Variants in SYT17 observed in about 807,000 individuals in gnomAD.
The protein encoded by SYT17 is synaptotagmin-17.
Under a neutral mutation model 46.7 loss-of-function variants are expected in SYT17, and 22 were observed. The ratio of observed to expected loss-of-function variants is 0.47; its 90% confidence interval spans 0.34 to 0.67. The LOEUF is 0.67. Ranked by LOEUF, SYT17 falls within the 30% of genes least tolerant of loss-of-function variation. The pLI, the probability that SYT17 is intolerant of heterozygous loss-of-function variation, is 0.01. For missense variants in SYT17, 519 were observed against 612.8 expected, an observed-to-expected ratio of 0.85 and a Z score of 1.62; for synonymous variants, 251 against 248.4, an observed-to-expected ratio of 1.01 and a Z score of -0.10.
intron 5 of SYT17, among the ~76,000 whole-genome samples, chr16:19,221,371 C>T (rs376582763): frequency 2.6e-5 from 4 of 152,146 alleles, no homozygotes; most frequent in East Asian, 3.9e-4. Context: ...GGAATGCCAG[C>T]GTTACCAGAT....
chr16:19,264,693 G>A (rs1223090805), intron 7 of SYT17, among the ~76,000 whole-genome samples: 3 of 151,770 alleles, frequency 2.0e-5, no homozygotes, highest in African/African-American at 7.3e-5. Context: ...CTGGACTCAG[G>A]TGATCCTCCC....
chr16:19,178,875 G>A (rs7196471), intron 3 of SYT17, among the ~76,000 whole-genome samples: 1 of 151,850 alleles, frequency 6.6e-6, no homozygotes, highest in Non-Finnish European at 1.5e-5. Context: ...GTATTGGGGG[G>A]GATCTTAAAG....
In SYT17 at chr16:19,221,583, C is replaced by T. The variant is rs189009161; in HGVS notation, c.952-1462C>T. Among the ~76,000 whole-genome samples the T allele has an allele frequency of 1.4e-4, 21 of 152,260 alleles. No individual in the cohort carries two copies. In the East Asian group the frequency reaches 2.9e-3, roughly 21 times the overall value. ...TCTTGTTTGTTTGGGGACTAACTCA[C>T]TCAGTACAGGAATCTTTTGGTTTGA... On this transcript the variant is annotated intron_variant, in intron 5 of 7. Transcript: ENST00000355377.
At chr16:19,231,190 A>G (rs1278600083) in intron 7 of SYT17, among the ~76,000 whole-genome samples, 2 of 152,196 alleles carry the variant, frequency 1.3e-5, no homozygotes, top group Admixed American at 6.5e-5. Context: ...TGAAAGAACC[A>G]AATGTCATGT....
At chr16:19,234,578 T>G (rs547614832) in intron 7 of SYT17, among the ~76,000 whole-genome samples, 2 of 152,174 alleles carry the variant, frequency 1.3e-5, no homozygotes, top group Non-Finnish European at 2.9e-5. Flanking sequence ...ATGATGATAA[T>G]TGATGGACCC....
At chr16:19,229,553 C>A (rs530089647) in intron 7 of SYT17, among the ~76,000 whole-genome samples, 1 of 152,324 alleles carries the variant, frequency 6.6e-6, no homozygotes, top group East Asian at 1.9e-4. Context: ...CAGGCCCCAC[C>A]TCCAACATTA....
At chr16:19,245,330 G>C (rs1227663346) in intron 7 of SYT17, among the ~76,000 whole-genome samples, 2 of 152,084 alleles carry the variant, frequency 1.3e-5, no homozygotes, top group African/African-American at 4.8e-5. Context: ...ATCCTACAGT[G>C]AACACATAAC....
intron 6 of SYT17, 100 bp from the exon 7 acceptor site, chr16:19,224,583 G>A: frequency 1.5e-6 from 2 of 1,314,580 alleles, no homozygotes; most frequent in Non-Finnish European, 1.1e-6. Context: ...AAGAATGGAG[G>A]AATAAAAAGA....
At chr16:19,175,086 G>T (rs554776368) in intron 3 of SYT17, among the ~76,000 whole-genome samples, 5 of 152,084 alleles carry the variant, frequency 3.3e-5, no homozygotes, top group African/African-American at 1.2e-4. Flanking sequence ...CTGTGATTGC[G>T]CCACTGCACT....
rs1187006896 is a variant in SYT17 at position 19,184,091 on chromosome 16, G to A, written c.895G>A (p.Glu299Lys). 1.2e-6 allele frequency: 2 copies of A among 1,614,116 alleles called. No homozygotes were observed. Among genetic ancestry groups the A allele is most frequent in the African/African-American group, 2.7e-5 (2 of 74,936 alleles). ...TGGGAAAGTTTCTGTGCCTTTGTGT[G>A]AAGTTGACCTGGTCAAGGGCGGGCA... ...VIGKVSVPLCEVDLVKGGHWW... is the reference protein window; with the variant it reads ...VIGKVSVPLCKVDLVKGGHWW... The change falls in exon 5 of 8, where the codon GAA becomes AAA. Residue 299 changes from glutamate to lysine, a missense_variant. Glu to Lys is a moderately conservative substitution (Grantham distance 56). Coordinates refer to ENST00000355377, the MANE Select transcript of SYT17 (RefSeq NM_016524.4).
chr16:19,219,359 G>A (rs1370631251), intron 5 of SYT17, among the ~76,000 whole-genome samples: 1 of 9,456 alleles, frequency 1.1e-4, no homozygotes, highest in Non-Finnish European at 1.6e-4. Flanking sequence ...CCGAGATTGC[G>A]CCACTGCAGT....
intron 7 of SYT17, among the ~76,000 whole-genome samples, chr16:19,232,316 C>T (rs527329108): frequency 6.6e-6 from 1 of 152,164 alleles, no homozygotes; most frequent in Non-Finnish European, 1.5e-5. Flanking sequence ...GAGAATATGG[C>T]GTCTCTATTT....
chr16:19,235,861 C>T (rs921139715), intron 7 of SYT17, among the ~76,000 whole-genome samples: 1 of 151,614 alleles, frequency 6.6e-6, no homozygotes, highest in Non-Finnish European at 1.5e-5. Flanking sequence ...TTAGTGGGCT[C>T]GAAGACAGAT....
At chr16:19,251,935 T>G (rs746405125) in intron 7 of SYT17, among the ~76,000 whole-genome samples, 2 of 151,950 alleles carry the variant, frequency 1.3e-5, no homozygotes, top group African/African-American at 2.4e-5. Context: ...TTGAGCTGAG[T>G]GTAGTGGCTC....
At chr16:19,172,206 G>A in intron 1 of SYT17, 1 of 465,266 alleles carries the variant, frequency 2.1e-6, no homozygotes, top group Non-Finnish European at 3.0e-6. Flanking sequence ...TTCCTCAAGA[G>A]GACCAGATTA....
chr16:19,185,693 C>A (rs1489498490), intron 5 of SYT17, among the ~76,000 whole-genome samples: 2 of 152,190 alleles, frequency 1.3e-5, no homozygotes, highest in African/African-American at 4.8e-5. Flanking sequence ...AACCTTCCTC[C>A]CAGTGCCTAG....
chr16:19,216,746 G>A (rs925172676), intron 5 of SYT17, among the ~76,000 whole-genome samples: 1 of 152,166 alleles, frequency 6.6e-6, no homozygotes. Flanking sequence ...ATTCCATGGT[G>A]TATATATGCT....
intron 7 of SYT17, among the ~76,000 whole-genome samples, chr16:19,265,776 G>A (rs1264439388): frequency 6.6e-6 from 1 of 152,224 alleles, no homozygotes; most frequent in Non-Finnish European, 1.5e-5. Context: ...ACTTGGCCGG[G>A]AAGATAAATC....
chr16:19,238,992 G>C lies in SYT17; in HGVS notation c.1228+14154G>C, dbSNP rs76851985. 5.8e-3 allele frequency among the ~76,000 whole-genome samples: 888 copies of C among 152,300 alleles called. 7 individuals carry two copies. The highest frequency in any genetic ancestry group is 0.02 in the African/African-American group (835 of 41,550). ...AATGCTTAACTTTTAAAATGCCAGGGCCTGGCCAGGTGCCATGGCTTATAC... is the reference window on the plus strand; with the variant it reads ...AATGCTTAACTTTTAAAATGCCAGGCCCTGGCCAGGTGCCATGGCTTATAC... On this transcript the variant is annotated intron_variant, in intron 7 of 7. Coordinates refer to ENST00000355377, the MANE Select transcript of SYT17 (RefSeq NM_016524.4).
Sources: gnomAD v4.1 joint callset for allele counts (sites outside exome capture counted in the v4.1 genomes callset) on GRCh38, gnomAD v4.1.1 for gene constraint, MANE v1.5 for transcripts, NCBI Gene and HGNC (gene_info 2026-07-23, HGNC 2026-07-21) for gene names.